The following ZEB2 variants were observed in gnomAD, a reference collection of about 807,000 sequenced individuals.
ZEB2 encodes the protein zinc finger E-box-binding homeobox 2.
ZEB2 carries 6 observed loss-of-function variants against 99.9 expected under a neutral mutation model. The observed-to-expected ratio is 0.06, with a 90% CI of 0.03 to 0.12. The LOEUF is 0.12. Among genes scored for constraint, ZEB2 ranks in the 10% least tolerant of loss-of-function variants. The pLI, the probability that ZEB2 is intolerant of heterozygous loss-of-function variation, is 1.00. For missense variants in ZEB2, 969 were observed against 1,502.8 expected, an observed-to-expected ratio of 0.64 and a Z score of 5.87; for synonymous variants, 517 against 542.5, an observed-to-expected ratio of 0.95 and a Z score of 0.65.
chr2:144,496,532 T>A (rs1209815157), intron 2 of ZEB2: 4 of 152,224 alleles, frequency 2.6e-5, no homozygotes, highest in Admixed American at 1.3e-4. Context: ...ACTGCCTCAC[T>A]CTTTTTCAAA....
Position 144,432,011 on chromosome 2 carries a change from A to C in ZEB2, c.74-1985T>G, listed in dbSNP as rs187267704. 1.4e-3 allele frequency among the ~76,000 whole-genome samples: 208 copies of C among 152,142 alleles called. 3 individuals are homozygous for C. The highest frequency in any genetic ancestry group is 6.8e-3 in the Middle Eastern group (2 of 294). ...GGCCTTTATCCTGGAAAAAAAAAAA[A>C]AAAAACCCATGCCTTTTAAGGTCTT... On this transcript the variant is annotated intron_variant, in intron 2 of 9. Transcript: ENST00000627532.
At chr2:144,487,682 A>G (rs1704617820) in intron 2 of ZEB2, among the ~76,000 whole-genome samples, 1 of 152,212 alleles carries the variant, frequency 6.6e-6, no homozygotes, top group Non-Finnish European at 1.5e-5. Flanking sequence ...ATACTTTAAA[A>G]ATCAGGTTGG....
chr2:144,440,515 ATTTTTTTTTTT>A (rs201944188), intron 2 of ZEB2, among the ~76,000 whole-genome samples: 1,693 of 32,366 alleles, frequency 0.052, 24 homozygotes, highest in South Asian at 0.083. Context: ...ATATATATAT[ATTTTTTTTTTT>A]TTTTTTTTTT....
chr2:144,490,114 C>A (rs929283318), intron 2 of ZEB2, among the ~76,000 whole-genome samples: 2 of 152,096 alleles, frequency 1.3e-5, no homozygotes, highest in East Asian at 3.9e-4. Flanking sequence ...AATTAAACAC[C>A]TAGTTCCCTG....
chr2:144,427,021 C>A (rs1703698702), intron 3 of ZEB2: 1 of 152,168 alleles, frequency 6.6e-6, no homozygotes, highest in African/African-American at 2.4e-5. Context: ...TAAACATTCT[C>A]TAAGACACCT....
At chr2:144,512,066 T>C in intron 2 of ZEB2, 9 of 1,287,208 alleles carry the variant, frequency 7.0e-6, no homozygotes, top group Non-Finnish European at 9.1e-6. Context: ...AATTGCCCCC[T>C]TGTGGGAATG....
chr2:144,457,255 A>AG (rs1197391220), intron 2 of ZEB2, among the ~76,000 whole-genome samples: 2 of 152,098 alleles, frequency 1.3e-5, no homozygotes, highest in Admixed American at 6.6e-5. Context: ...AAACCTTTGA[A>AG]GGGGGGAGCA....
intron 2 of ZEB2, among the ~76,000 whole-genome samples, chr2:144,483,912 C>A (rs1458767835): frequency 6.6e-6 from 1 of 152,150 alleles, no homozygotes; most frequent in African/African-American, 2.4e-5. Context: ...AATACCTTAG[C>A]ATTCTGCCGT....
chr2:144,499,017 G>A (rs1412469909), intron 2 of ZEB2, among the ~76,000 whole-genome samples: 12 of 152,348 alleles, frequency 7.9e-5, no homozygotes, highest in Middle Eastern at 3.4e-3. Context: ...ACTTCAGAGT[G>A]AAGTGAAATT....
At position 144,399,748 on chromosome 2, in the gene ZEB2, G is replaced by T. The variant is rs13017697; in HGVS notation, c.1439C>A (p.Ala480Asp). ...ACCTTTCAACTTTGAAATTTCTTCAGCCTTGCAGTCCATTTTTTGCCTGGA... is the reference window on the plus strand; with the variant it reads ...ACCTTTCAACTTTGAAATTTCTTCATCCTTGCAGTCCATTTTTTGCCTGGA... ...TVSRQKMDCKAEEISKLKGYH... is the reference protein window; with the variant it reads ...TVSRQKMDCKDEEISKLKGYH... Residue 480 changes from alanine to aspartate, a missense_variant, in exon 8 of 10, where the codon GCT becomes GAT. Physicochemically the swap from Ala to Asp is moderately radical, Grantham distance 126. Coordinates refer to ENST00000627532, the MANE Select transcript of ZEB2 (RefSeq NM_014795.4). This position sits in a 1 kb window ranked among gnomAD's most constrained non-coding sequence, Gnocchi z 5.6. 6.2e-7 allele frequency: 1 copy of T among 1,613,758 alleles called. No homozygotes were observed. Among genetic ancestry groups the T allele is most frequent in the Non-Finnish European group, 8.5e-7 (1 of 1,179,912 alleles).
At chr2:144,390,053 G>C in intron 9 of ZEB2, 25 bp from the exon 10 acceptor site, 1 of 1,597,252 alleles carries the variant, frequency 6.3e-7, no homozygotes, top group South Asian at 1.1e-5. Flanking sequence ...AAGATGACAG[G>C]GTGATTAGTG....
At position 144,399,952 on chromosome 2, in the gene ZEB2, G is replaced by C. The variant is rs1703288512; in HGVS notation, c.1235C>G (p.Thr412Ser). ...AAGCCCACCATTCATAAAGGGACTAGTGCCACTAAACCCGTGTGTAGCCAT... is the reference window on the plus strand; with the variant it reads ...AAGCCCACCATTCATAAAGGGACTACTGCCACTAAACCCGTGTGTAGCCAT... ...VLMATHGFSG[T>S]SPFMNGGLGA... Residue 412 changes from threonine (T) to serine (S), a missense_variant, in exon 8 of 10, where the codon ACT becomes AGT. By Grantham distance (58) the Thr-to-Ser change is moderately conservative. Around this residue, in one of 8 missense-constraint regions of ZEB2, gnomAD observed 227 missense variants for 278.2 expected, o/e 0.82. Transcript: ENST00000627532. This position sits in a 1 kb window ranked among gnomAD's most constrained non-coding sequence, Gnocchi z 5.6. The C allele has an allele frequency of 1.9e-6, 3 of 1,614,202 alleles. No individual in the cohort carries two copies. The highest frequency in any genetic ancestry group is 1.3e-5 in the African/African-American group (1 of 75,058).
intron 3 of ZEB2, among the ~76,000 whole-genome samples, chr2:144,425,361 A>G (rs1461283971): frequency 6.6e-6 from 1 of 152,172 alleles, no homozygotes; most frequent in Non-Finnish European, 1.5e-5. Flanking sequence ...CTAATTCTAC[A>G]TATCAAAACT....
intron 2 of ZEB2, among the ~76,000 whole-genome samples, chr2:144,487,249 C>G (rs1418044645): frequency 6.6e-6 from 1 of 151,806 alleles, no homozygotes; most frequent in Non-Finnish European, 1.5e-5. Flanking sequence ...TCAAGGAAAG[C>G]CAGTGTTGTG....
At position 144,385,058 on chromosome 2, in the gene ZEB2, G is replaced by GT. The variant is rs1356136314; in HGVS notation, c.*4392dup. ...TATAGAATGATCAGATGAGTCACCT[G>GT]TGATTTTTCTTAATGTCTTCAAATG... On this transcript the variant is annotated 3_prime_UTR_variant, in exon 10 of 10. Coordinates refer to ENST00000627532, the MANE Select transcript of ZEB2 (RefSeq NM_014795.4). 1 of 152,112 alleles carries GT rather than the reference G, an allele frequency of 6.6e-6. No homozygotes were observed. The highest frequency in any genetic ancestry group is 1.5e-5 in the Non-Finnish European group (1 of 67,998). The allele number at this position is 152,112 out of a possible 1,614,324, so 9.4% of individuals were successfully genotyped here.
At chr2:144,488,574 T>C (rs1007687002) in intron 2 of ZEB2, among the ~76,000 whole-genome samples, 4 of 152,166 alleles carry the variant, frequency 2.6e-5, no homozygotes, top group African/African-American at 9.7e-5. Flanking sequence ...TTTTTGGATG[T>C]ATTGTCATTC....
chr2:144,386,675 C>A lies in ZEB2; in HGVS notation c.*2776G>T, dbSNP rs1390063948. ...AGATATGCCCCATGGGCAACAGAGA[C>A]CTACATTGCTTTAAAAGAGGCCACA... is the stretch of plus-strand genomic sequence containing the variant. On this transcript the variant is annotated 3_prime_UTR_variant, in exon 10 of 10. Transcript: ENST00000627532. 1.3e-5 allele frequency: 2 copies of A among 151,996 alleles called. No homozygotes were observed. The highest frequency in any genetic ancestry group is 2.9e-5 in the Non-Finnish European group (2 of 67,996). 9.4% of individuals were successfully genotyped at this position (151,996 alleles called of 1,614,324 possible). A position where few individuals can be genotyped will look rare whatever the true frequency, so the allele number is the denominator to read the frequency against.
In ZEB2 at chr2:144,389,352, C is replaced by T; in HGVS notation, c.*99G>A. 2 of 1,359,234 alleles carry T rather than the reference C, an allele frequency of 1.5e-6. No individual in the cohort carries two copies. Among genetic ancestry groups the T allele is most frequent in the Non-Finnish European group, 2.1e-6 (2 of 952,942 alleles). The allele number at this position is 1,359,234 out of a possible 1,614,324, so 84.2% of individuals were successfully genotyped here. On this transcript the variant is annotated 3_prime_UTR_variant, in exon 10 of 10. Transcript: ENST00000627532. This position sits in a 1 kb window ranked among gnomAD's most constrained non-coding sequence, Gnocchi z 6.8. ...GTCCCTCTCTACAGCTTCCTGGAAG[C>T]GTCAGGCACGTGCATGAACAGCTTA...
intron 4 of ZEB2, among the ~76,000 whole-genome samples, chr2:144,411,057 C>CTATATATA (rs4008310): frequency 4.2e-4 from 17 of 40,774 alleles, no homozygotes; most frequent in Admixed American, 7.2e-4. Flanking sequence ...ACAGACATGT[C>CTATATATA]TATATATATA....
Sources: gnomAD v4.1 joint callset for allele counts (sites outside exome capture counted in the v4.1 genomes callset) on GRCh38, gnomAD v4.1.1 for gene constraint, gnomAD v4.1.1 regional missense constraint, Gnocchi (gnomAD v3.1) non-coding constraint, MANE v1.5 for transcripts, NCBI Gene and HGNC (gene_info 2026-07-23, HGNC 2026-07-21) for gene names.